Variants in MROH7 observed in about 807,000 individuals in gnomAD.
The protein encoded by MROH7 is maestro heat-like repeat-containing protein family member 7.
In MROH7, 113 loss-of-function variants were observed where a neutral mutation model predicts 129.2. That is an observed-to-expected ratio of 0.87 (90% CI 0.75 to 1.02). The LOEUF (loss-of-function observed/expected upper bound fraction) is 1.02, where lower values mean the gene tolerates loss of function less well. MROH7 is among the 50% of genes least tolerant of loss of function. The probability of loss-of-function intolerance (pLI) is 0.00; values close to 1 mark genes in which losing one functional copy is unlikely to be tolerated. For synonymous variants in MROH7, 655 were observed against 667.9 expected (o/e 0.98, Z 0.30); for missense variants, 1,601 against 1,671.3 (o/e 0.96, Z 0.73).
chr1:54,667,772 T>TAA (rs36015308), intron 4 of MROH7, among the ~76,000 whole-genome samples: 47 of 145,198 alleles, frequency 3.2e-4, no homozygotes, highest in East Asian at 2.2e-3. Flanking sequence ...ATTTACAAAG[T>TAA]AAAAAAAAAA....
chr1:54,708,863 T>A, intron 22 of MROH7, 151 bp from the exon 23 acceptor site: 1 of 683,520 alleles, frequency 1.5e-6, no homozygotes, highest in East Asian at 2.6e-5. Flanking sequence ...TTGGGGAATC[T>A]GTCCCAGGGT....
chr1:54,704,802 T>TTTTTC (rs1339989429), intron 21 of MROH7, among the ~76,000 whole-genome samples: 4 of 133,422 alleles, frequency 3.0e-5, no homozygotes, highest in Middle Eastern at 3.6e-3. Context: ...TCTTTTTTTT[T>TTTTTC]TTTTTTTTTT....
Position 54,674,167 on chromosome 1 carries a change from G to A in MROH7, c.1936+16G>A. On this transcript the variant is annotated intron_variant, in intron 10 of 23. Transcript: ENST00000421030. ...CTCCAAAAACGTAAGCCCTATCGGA[G>A]TACTTCTGAAGGAAGTCTTCTGAGT... is the stretch of plus-strand genomic sequence containing the variant. 6.2e-7 allele frequency: 1 copy of A among 1,608,644 alleles called. No homozygotes were observed. Among genetic ancestry groups the A allele is most frequent in the Non-Finnish European group, 8.5e-7 (1 of 1,177,816 alleles).
chr1:54,703,316 G>C lies in MROH7; in HGVS notation c.3564+571G>C, dbSNP rs1399467777. Among the ~76,000 whole-genome samples the C allele has an allele frequency of 6.6e-6, 1 of 152,124 alleles. No homozygotes were observed. Among genetic ancestry groups the C allele is most frequent in the African/African-American group, 2.4e-5 (1 of 41,402 alleles). On this transcript the variant is annotated intron_variant, in intron 21 of 23. Coordinates refer to ENST00000421030, the MANE Select transcript of MROH7 (RefSeq NM_001039464.4). This position sits in a 1 kb window ranked among gnomAD's most constrained non-coding sequence, Gnocchi z 4.4. The stretch of plus-strand genomic sequence containing the variant: ...CACAGCCTGCTTGTATTAGATCCCT[G>C]CCTCAAGGGCCACACTGGCTCCTTT...
chr1:54,660,124 CTGAG>C (rs888640841), intron 3 of MROH7, among the ~76,000 whole-genome samples: 1 of 152,156 alleles, frequency 6.6e-6, no homozygotes, highest in African/African-American at 2.4e-5. Flanking sequence ...ATGCCTGAGA[CTGAG>C]TAATTTATAA....
intron 15 of MROH7, among the ~76,000 whole-genome samples, chr1:54,688,097 A>G (rs989075295): frequency 1.3e-5 from 2 of 151,406 alleles, no homozygotes; most frequent in Non-Finnish European, 2.9e-5. Flanking sequence ...GTGGGTGCCT[A>G]TAATCCCAGG....
In MROH7 at chr1:54,657,743, A is replaced by C. The variant is rs971121292; in HGVS notation, c.1231+3586A>C. The stretch of plus-strand genomic sequence containing the variant: ...CAGTGGTGTGATCCTAGCTCACTGC[A>C]ACCTCTGCCTCCCAGGTTCAAACAA... On this transcript the variant is annotated intron_variant, in intron 3 of 23. Coordinates refer to ENST00000421030, the MANE Select transcript of MROH7 (RefSeq NM_001039464.4). 2.1e-4 allele frequency among the ~76,000 whole-genome samples: 32 copies of C among 151,582 alleles called. 2 individuals carry two copies. Among genetic ancestry groups the C allele is most frequent in the African/African-American group, 2.4e-5 (1 of 41,198 alleles).
At position 54,695,397 on chromosome 1, in the gene MROH7, C is replaced by T. The variant is rs1645303862; in HGVS notation, c.2871C>T (p.Cys957=). Residue 957 remains cysteine (C), a synonymous_variant, in exon 17 of 24, where the codon TGC becomes TGT. Coordinates refer to ENST00000421030, the MANE Select transcript of MROH7 (RefSeq NM_001039464.4). ...CCAGGGCCATGGTGCAGTACTCCTG[C>T]CAGGAGCTGTGCCGCATCCTCTACC... The part of the protein sequence containing the change: ...LLARAMVQYS[C]QELCRILYLL... 1.2e-6 allele frequency: 2 copies of T among 1,612,512 alleles called. No individual in the cohort carries two copies. The highest frequency in any genetic ancestry group is 1.3e-5 in the African/African-American group (1 of 74,888).
chr1:54,695,679 A>T, intron 17 of MROH7, 189 bp downstream of exon 17: 1 of 643,806 alleles, frequency 1.6e-6, no homozygotes, highest in Non-Finnish European at 2.9e-6. Context: ...CCTTTACTCC[A>T]TTCCACTCTT....
At chr1:54,644,247 A>AG (rs889888681) in intron 1 of MROH7, among the ~76,000 whole-genome samples, 1 of 89,818 alleles carries the variant, frequency 1.1e-5, no homozygotes, top group Non-Finnish European at 2.2e-5. Context: ...GGGGGTGGGG[A>AG]GGGGGGTCTA....
At chr1:54,686,194 C>T in intron 14 of MROH7, 64 bp from the exon 15 acceptor site, 1 of 1,444,478 alleles carries the variant, frequency 6.9e-7, no homozygotes, top group Non-Finnish European at 9.5e-7. Flanking sequence ...GCAGTCCAGG[C>T]CCCAGCCAGG....
chr1:54,682,854 C>T (rs1002326639), intron 14 of MROH7, 60 bp downstream of exon 14: 72 of 1,574,406 alleles, frequency 4.6e-5, no homozygotes, highest in Non-Finnish European at 6.0e-5. Flanking sequence ...CTCTCCTTCC[C>T]TCCTGCTGAG....
At position 54,710,102 on chromosome 1, in the gene MROH7, G is replaced by C. The variant is rs187438824; in HGVS notation, c.3887G>C (p.Ser1296Thr). 1.2e-4 allele frequency: 187 copies of C among 1,614,028 alleles called. No homozygotes were observed. In the African/African-American group the frequency reaches 2.3e-3, roughly 20 times the overall value. The change falls in exon 24 of 24, where the codon AGC (serine) becomes ACC (threonine). Residue 1296 changes from serine to threonine, a missense_variant. Coordinates refer to ENST00000421030, the MANE Select transcript of MROH7 (RefSeq NM_001039464.4). ...YSATTHRWSP[S>T]CENLPTSHQR... is the part of the protein sequence containing the mutation. ...GCCACCACCCACCGCTGGAGCCCCA[G>C]CTGTGAGAACCTGCCCACTTCCCAC...
In MROH7 at chr1:54,702,692, C is replaced by A. The variant is rs201018136; in HGVS notation, c.3511C>A (p.Arg1171=). The change falls in exon 21 of 24, where the codon CGG becomes AGG. Residue 1171 remains arginine, a synonymous_variant. Transcript: ENST00000421030. ...AWELPKRAYS[R]KPWDNQQQTV... is the part of the protein sequence containing the mutation. Reference sequence around the variant, plus strand: ...GGAGTTGCCAAAAAGAGCTTATAGCCGGAAGCCCTGGGACAACCAACAGCA... The same window carrying A: ...GGAGTTGCCAAAAAGAGCTTATAGCAGGAAGCCCTGGGACAACCAACAGCA... 1.2e-6 allele frequency: 2 copies of A among 1,613,846 alleles called. No homozygotes were observed. Among genetic ancestry groups the A allele is most frequent in the Non-Finnish European group, 1.7e-6 (2 of 1,179,854 alleles).
chr1:54,710,038 T>C lies in MROH7; in HGVS notation c.3823T>C (p.Ser1275Pro), dbSNP rs770523294. The C allele has an allele frequency of 6.2e-7, 1 of 1,613,962 alleles. No individual in the cohort carries two copies. The highest frequency in any genetic ancestry group is 1.3e-5 in the African/African-American group (1 of 74,882). Residue 1275 changes from serine (S) to proline (P), a missense_variant, in exon 24 of 24, where the codon TCC (serine) becomes CCC (proline). Ser to Pro is a moderately conservative substitution (Grantham distance 74, BLOSUM62 -1). Transcript: ENST00000421030. ...CATCCTGGCCAGCTGCTGGCAGAACTCCTGGCTGCCGCACGGGAACTCATG... is the reference window on the plus strand; with the variant it reads ...CATCCTGGCCAGCTGCTGGCAGAACCCCTGGCTGCCGCACGGGAACTCATG... Reference protein sequence around the residue: ...DHILASCWQNSWLPHGNSWVC... With the variant: ...DHILASCWQNPWLPHGNSWVC...
chr1:54,682,777 T>A lies in MROH7; in HGVS notation c.2503T>A (p.Ser835Thr). The change falls in exon 14 of 24, where the codon TCC becomes ACC. Residue 835 changes from serine (S) to threonine (T), a missense_variant. Physicochemically the swap from Ser to Thr is moderately conservative, Grantham distance 58 (BLOSUM62 1). Coordinates refer to ENST00000421030, the MANE Select transcript of MROH7 (RefSeq NM_001039464.4). ...GCCCGTCACCAAGGAGGGCCGGGCT[T>A]CCATCGTGCCCCTGGCGGTGAGCAC... ...EKPVTKEGRA[S>T]IVPLAAASGL... The A allele has an allele frequency of 6.2e-7, 1 of 1,612,912 alleles. No individual in the cohort carries two copies. Among genetic ancestry groups the A allele is most frequent in the Non-Finnish European group, 8.5e-7 (1 of 1,179,890 alleles).
Position 54,698,796 on chromosome 1 carries a change from TC to T in MROH7, c.2965-1524del, listed in dbSNP as rs1427763327. On this transcript the variant is annotated intron_variant, in intron 17 of 23. Coordinates refer to ENST00000421030, the MANE Select transcript of MROH7 (RefSeq NM_001039464.4). ...AAGGAGGAAAGGAGCCAAGTTTCTT[TC>T]TTTTTTTTTTTTTTGGACGGCGTTT... 2 of 142,190 alleles carry T rather than the reference TC, an allele frequency of 1.4e-5. 1 individual carries two copies. The highest frequency in any genetic ancestry group is 5.8e-4 in the East Asian group (2 of 3,436). The allele number at this position is 142,190 out of a possible 1,614,324, so 8.8% of individuals were successfully genotyped here.
chr1:54,653,699 C>A lies in MROH7; in HGVS notation c.773C>A (p.Ser258Tyr), dbSNP rs763866792. The change falls in exon 3 of 24, where the codon TCT becomes TAT. Residue 258 changes from serine to tyrosine, a missense_variant. Transcript: ENST00000421030. ...TTGGCTTCACATAATATCTCTGAGT[C>A]TGTTTCAAAAGGAGCCTTTAGTACC... is the stretch of plus-strand genomic sequence containing the variant. ...ITLASHNISE[S>Y]VSKGAFSTTW... The A allele has an allele frequency of 1.2e-6, 2 of 1,614,186 alleles. No homozygotes were observed. Among genetic ancestry groups the A allele is most frequent in the Non-Finnish European group, 1.7e-6 (2 of 1,180,026 alleles).
chr1:54,688,214 C>T (rs1348001780), intron 15 of MROH7, among the ~76,000 whole-genome samples: 21 of 145,682 alleles, frequency 1.4e-4, no homozygotes, highest in African/African-American at 4.4e-4. Context: ...AGCGAGACTC[C>T]GTCTCAAAAA....
Sources: gnomAD v4.1 joint callset for allele counts (sites outside exome capture counted in the v4.1 genomes callset) on GRCh38, gnomAD v4.1.1 for gene constraint, Gnocchi (gnomAD v3.1) non-coding constraint, MANE v1.5 for transcripts, NCBI Gene and HGNC (gene_info 2026-07-23, HGNC 2026-07-21) for gene names.